CDH4: variants seen among roughly 807,000 people sequenced by gnomAD.
CDH4 encodes cadherin 4, also known as cadherin-4.
In CDH4, 33 loss-of-function variants were observed where a neutral mutation model predicts 86.0. The observed-to-expected ratio is 0.38, with a 90% CI of 0.29 to 0.51. The LOEUF (loss-of-function observed/expected upper bound fraction) is 0.51, where lower values mean the gene tolerates loss of function less well. Ranked by LOEUF, CDH4 falls within the 20% of genes least tolerant of loss-of-function variation. The pLI is 0.86. For missense variants in CDH4, 1,114 were observed against 1,307.4 expected, an observed-to-expected ratio of 0.85 and a Z score of 2.28; for synonymous variants, 555 against 549.4, an observed-to-expected ratio of 1.01 and a Z score of -0.14.
intron 2 of CDH4, among the ~76,000 whole-genome samples, chr20:61,557,425 C>G (rs1228510368): frequency 1.3e-5 from 2 of 152,226 alleles, no homozygotes; most frequent in Admixed American, 6.5e-5. Flanking sequence ...GTGACTTTCA[C>G]TAAGACCACA....
chr20:61,620,575 A>G (rs1349641370), intron 2 of CDH4, among the ~76,000 whole-genome samples: 2 of 152,236 alleles, frequency 1.3e-5, no homozygotes, highest in Admixed American at 1.3e-4. Context: ...AAAGAGGTGG[A>G]TAGAGAGACA....
At chr20:61,857,145 G>A (rs549169093) in intron 6 of CDH4, among the ~76,000 whole-genome samples, 105 of 152,340 alleles carry the variant, frequency 6.9e-4, no homozygotes, top group African/African-American at 2.3e-3. Flanking sequence ...ACCCCTCCCC[G>A]GGGCAGAGGG....
rs554413314 is a variant in CDH4 at position 61,368,033 on chromosome 20, G to A, written c.169+113096G>A. ...TTACAGGTGCCCACCACCACACCAG[G>A]CTAACTTTTGTATTTTTAGTAGAGA... On this transcript the variant is annotated intron_variant, in intron 2 of 15. Coordinates refer to ENST00000614565, the MANE Select transcript of CDH4 (RefSeq NM_001794.5). 9.2e-5 allele frequency among the ~76,000 whole-genome samples: 14 copies of A among 152,058 alleles called. 1 individual carries two copies. In the South Asian group the frequency reaches 2.9e-3, roughly 32 times the overall value.
chr20:61,918,736 C>T (rs1020325458), intron 9 of CDH4, among the ~76,000 whole-genome samples: 7 of 152,128 alleles, frequency 4.6e-5, no homozygotes, highest in Admixed American at 1.3e-4. Flanking sequence ...CCCCCAGGGG[C>T]AGTGCAGGGA....
chr20:61,353,308 C>T (rs1393162708), intron 2 of CDH4, among the ~76,000 whole-genome samples: 1 of 152,004 alleles, frequency 6.6e-6, no homozygotes, highest in African/African-American at 2.4e-5. Flanking sequence ...GGGGCAGCCG[C>T]GTGTCCCTGA....
intron 9 of CDH4, among the ~76,000 whole-genome samples, chr20:61,912,667 A>G (rs2122934710): frequency 6.6e-6 from 1 of 152,252 alleles, no homozygotes; most frequent in South Asian, 2.1e-4. Flanking sequence ...AAGAGAGGCT[A>G]TTTTTTCACC....
At chr20:61,333,286 CAT>C (rs961880285) in intron 2 of CDH4, among the ~76,000 whole-genome samples, 1 of 148,502 alleles carries the variant, frequency 6.7e-6, no homozygotes, top group African/African-American at 2.5e-5. Context: ...CACACACACA[CAT>C]GCACACACAC....
intron 2 of CDH4, among the ~76,000 whole-genome samples, chr20:61,314,214 C>A (rs942971048): frequency 9.2e-5 from 14 of 152,182 alleles, no homozygotes. Context: ...TACCTTAGAT[C>A]CCCAGAAATC....
chr20:61,881,676 A>G (rs1312062678), intron 7 of CDH4, among the ~76,000 whole-genome samples: 1 of 152,184 alleles, frequency 6.6e-6, no homozygotes, highest in Non-Finnish European at 1.5e-5. Context: ...AGGGGGCGGC[A>G]CGTGGGGGAC....
intron 2 of CDH4, among the ~76,000 whole-genome samples, chr20:61,734,578 A>G (rs138056091): frequency 1.2e-3 from 186 of 150,024 alleles, no homozygotes; most frequent in Non-Finnish European, 2.2e-3. Flanking sequence ...CAGGGATTCA[A>G]TAAGGGTGTG....
rs1325438293 is a variant in CDH4, at chr20:61,252,506, C to T, written c.-8C>T. On this transcript the variant is annotated 5_prime_UTR_variant, in exon 1 of 16. Transcript: ENST00000614565. This position sits in a 1 kb window ranked among gnomAD's most constrained non-coding sequence, Gnocchi z 4.4. The stretch of plus-strand genomic sequence containing the variant: ...CCGGTGCCGGGCACCGGGCGGGCGG[C>T]GGGGAAGATGACCGCGGGCGCCGGC... 8.5e-7 allele frequency: 1 copy of T among 1,176,964 alleles called. No individual in the cohort carries two copies. Among genetic ancestry groups the T allele is most frequent in the Non-Finnish European group, 1.0e-6 (1 of 954,012 alleles). 72.9% of individuals were successfully genotyped at this position (1,176,964 alleles called of 1,614,324 possible).
chr20:61,820,343 C>T (rs146492981), intron 4 of CDH4, among the ~76,000 whole-genome samples: 122 of 152,212 alleles, frequency 8.0e-4, no homozygotes, highest in African/African-American at 2.8e-3. Flanking sequence ...TATGCAGCCA[C>T]TGCAGATACC....
intron 2 of CDH4, among the ~76,000 whole-genome samples, chr20:61,458,086 C>A (rs1036467798): frequency 6.9e-6 from 1 of 145,632 alleles, no homozygotes; most frequent in Non-Finnish European, 1.5e-5. Flanking sequence ...GTAGTCATAT[C>A]ATGGTGATGG....
chr20:61,540,274 G>GA (rs200872757), intron 2 of CDH4, among the ~76,000 whole-genome samples: 167 of 151,652 alleles, frequency 1.1e-3, no homozygotes, highest in African/African-American at 3.7e-3. Context: ...TTTATTGAAA[G>GA]AAAAAAAAAT....
chr20:61,393,037 G>A lies in CDH4; in HGVS notation c.169+138100G>A, dbSNP rs377064345. ...GAAAACGTGAGGACAGAGCAGCTGC[G>A]GGGCCCCTCGGTGATCAGGGCCGTT... On this transcript the variant is annotated intron_variant, in intron 2 of 15. Coordinates refer to ENST00000614565, the MANE Select transcript of CDH4 (RefSeq NM_001794.5). The surrounding 1 kb of genome is among the most constrained non-coding windows in gnomAD (Gnocchi z 4.3). Among the ~76,000 whole-genome samples, 15 of 152,222 alleles carry A rather than the reference G, an allele frequency of 9.9e-5. No homozygotes were observed. The highest frequency in any genetic ancestry group is 6.2e-4 in the South Asian group (3 of 4,820).
At chr20:61,428,349 A>G (rs918984562) in intron 2 of CDH4, among the ~76,000 whole-genome samples, 1 of 152,162 alleles carries the variant, frequency 6.6e-6, no homozygotes, top group Non-Finnish European at 1.5e-5. Context: ...CTACTCATGG[A>G]TGTCTCCCTA....
chr20:61,542,242 TGTTATAAACA>T (rs2086045115), intron 2 of CDH4, among the ~76,000 whole-genome samples: 1 of 152,224 alleles, frequency 6.6e-6, no homozygotes, highest in Non-Finnish European at 1.5e-5. Flanking sequence ...GATTTTCTGT[TGTTATAAACA>T]GTGTGCAGTG....
At chr20:61,599,076 G>T (rs1382353012) in intron 2 of CDH4, among the ~76,000 whole-genome samples, 1 of 152,178 alleles carries the variant, frequency 6.6e-6, no homozygotes, top group Non-Finnish European at 1.5e-5. Context: ...ACGTCCCTGG[G>T]AAGTTCCCAC....
chr20:61,780,759 G>C (rs1422420817), intron 4 of CDH4, among the ~76,000 whole-genome samples: 1 of 152,214 alleles, frequency 6.6e-6, no homozygotes, highest in African/African-American at 2.4e-5. Context: ...CTCCACGCTC[G>C]AAGGGAGAAA....
Sources: allele counts gnomAD v4.1 joint callset (sites outside exome capture counted in the v4.1 genomes callset), GRCh38; gene constraint gnomAD v4.1.1; non-coding constraint Gnocchi (gnomAD v3.1); transcripts MANE v1.5; gene names NCBI Gene and HGNC (gene_info 2026-07-23, HGNC 2026-07-21).